Variants in TAFA1 observed in about 807,000 individuals in gnomAD.
TAFA1 encodes the protein TAFA chemokine like family member 1.
Under a neutral mutation model 18.5 loss-of-function variants are expected in TAFA1, and 4 were observed. That is an observed-to-expected ratio of 0.22 (90% CI 0.11 to 0.49). The LOEUF (loss-of-function observed/expected upper bound fraction) is 0.49. TAFA1 is among the 20% of genes least tolerant of loss of function. The pLI is 0.98. For synonymous variants in TAFA1, 56 were observed against 55.2 expected, an observed-to-expected ratio of 1.01 and a Z score of -0.06; for missense variants, 147 against 169.0, an observed-to-expected ratio of 0.87 and a Z score of 0.72.
At chr3:68,409,456 A>G (rs1210762993) in intron 2 of TAFA1, among the ~76,000 whole-genome samples, 2 of 150,022 alleles carry the variant, frequency 1.3e-5, no homozygotes, top group Non-Finnish European at 2.9e-5. Flanking sequence ...ATAAAATCTG[A>G]TGATTTTAAA....
intron 2 of TAFA1, among the ~76,000 whole-genome samples, chr3:68,351,347 A>C (rs1233292191): frequency 6.6e-6 from 1 of 152,076 alleles, no homozygotes; most frequent in African/African-American, 2.4e-5. Context: ...ATGAGCAACC[A>C]AGACGATTGT....
chr3:68,290,467 A>G (rs1472100045), intron 2 of TAFA1, among the ~76,000 whole-genome samples: 1 of 152,116 alleles, frequency 6.6e-6, no homozygotes, highest in Non-Finnish European at 1.5e-5. Context: ...CCCCCATGTC[A>G]TAATAATTGA....
intron 2 of TAFA1, among the ~76,000 whole-genome samples, chr3:68,256,947 A>G (rs1301056896): frequency 6.6e-6 from 1 of 151,938 alleles, no homozygotes; most frequent in Non-Finnish European, 1.5e-5. Flanking sequence ...ATGATTCTCT[A>G]CTGGTTCATG....
At chr3:68,523,222 T>C (rs572523667) in intron 3 of TAFA1, among the ~76,000 whole-genome samples, 1 of 152,348 alleles carries the variant, frequency 6.6e-6, no homozygotes, top group African/African-American at 2.4e-5. Flanking sequence ...AAAACACTGC[T>C]CAGTTGTTTT....
intron 2 of TAFA1, among the ~76,000 whole-genome samples, chr3:68,238,768 C>T (rs775001823): frequency 3.9e-5 from 6 of 152,104 alleles, no homozygotes; most frequent in Non-Finnish European, 8.8e-5. Flanking sequence ...GCCTAGTTCT[C>T]TTCTCTCCAT....
intron 4 of TAFA1, among the ~76,000 whole-genome samples, chr3:68,543,131 G>C (rs2073404427): frequency 6.6e-6 from 1 of 152,088 alleles, no homozygotes; most frequent in Non-Finnish European, 1.5e-5. Context: ...ATGAGAGGCA[G>C]GTTTGCCTGA....
chr3:68,245,950 AC>A (rs1173452377), intron 2 of TAFA1, among the ~76,000 whole-genome samples: 2 of 152,202 alleles, frequency 1.3e-5, no homozygotes, highest in African/African-American at 2.4e-5. Flanking sequence ...GGTATAAGAC[AC>A]AGGCATAGGT....
At chr3:68,131,990 A>G (rs1375172881) in intron 2 of TAFA1, among the ~76,000 whole-genome samples, 1 of 152,036 alleles carries the variant, frequency 6.6e-6, no homozygotes, top group African/African-American at 2.4e-5. Flanking sequence ...TCAACCCGTC[A>G]TCTACATTAG....
At chr3:68,083,183 A>G (rs1291306254) in intron 2 of TAFA1, among the ~76,000 whole-genome samples, 3 of 152,208 alleles carry the variant, frequency 2.0e-5, no homozygotes, top group Non-Finnish European at 4.4e-5. Context: ...AGCTTCTAAA[A>G]TCAGAGAAGG....
chr3:68,067,499 G>T (rs2106740185), intron 2 of TAFA1, among the ~76,000 whole-genome samples: 1 of 152,226 alleles, frequency 6.6e-6, no homozygotes, highest in Non-Finnish European at 1.5e-5. Flanking sequence ...TGTTTATTTA[G>T]TACATGGCTT....
chr3:68,017,964 G>C (rs1219502906), intron 2 of TAFA1, among the ~76,000 whole-genome samples: 1 of 91,574 alleles, frequency 1.1e-5, no homozygotes, highest in East Asian at 4.0e-4. Context: ...TGGGTAGGAA[G>C]TCAGCTAGAA....
At chr3:68,454,631 G>C (rs976320543) in intron 3 of TAFA1, among the ~76,000 whole-genome samples, 1 of 152,132 alleles carries the variant, frequency 6.6e-6, no homozygotes, top group African/African-American at 2.4e-5. Flanking sequence ...TTAGTGACAA[G>C]TTTTTGTTAC....
chr3:68,294,196 G>A (rs746169406), intron 2 of TAFA1, among the ~76,000 whole-genome samples: 54 of 152,196 alleles, frequency 3.5e-4, no homozygotes, highest in Non-Finnish European at 6.8e-4. Flanking sequence ...TCAAGGAATC[G>A]AAAGGACAGT....
intron 2 of TAFA1, among the ~76,000 whole-genome samples, chr3:68,116,746 T>C (rs993121162): frequency 2.6e-5 from 4 of 152,224 alleles, no homozygotes; most frequent in Admixed American, 6.5e-5. Context: ...CCTCTGGACC[T>C]AGTTCACCCT....
At chr3:68,365,084 A>G (rs893029842) in intron 2 of TAFA1, among the ~76,000 whole-genome samples, 18 of 152,182 alleles carry the variant, frequency 1.2e-4, no homozygotes, top group African/African-American at 4.3e-4. Flanking sequence ...TTATATTAAT[A>G]GTAGTTGTGT....
intron 3 of TAFA1, among the ~76,000 whole-genome samples, chr3:68,486,779 T>C (rs974556352): frequency 1.3e-5 from 2 of 152,240 alleles, no homozygotes; most frequent in Non-Finnish European, 2.9e-5. Context: ...GATGTCTTGA[T>C]ATCTGGGCAC....
intron 3 of TAFA1, among the ~76,000 whole-genome samples, chr3:68,533,259 A>G (rs1207600928): frequency 6.6e-6 from 1 of 152,134 alleles, no homozygotes; most frequent in Non-Finnish European, 1.5e-5. Context: ...CCTCACAATC[A>G]TGGCAGAAGG....
chr3:68,191,641 A>G (rs2066341227), intron 2 of TAFA1, among the ~76,000 whole-genome samples: 1 of 151,836 alleles, frequency 6.6e-6, no homozygotes. Context: ...GTTGCCACAA[A>G]CTTTTTATCA....
At chr3:68,026,294 A>G (rs1200688352) in intron 2 of TAFA1, among the ~76,000 whole-genome samples, 1 of 151,956 alleles carries the variant, frequency 6.6e-6, no homozygotes, top group Non-Finnish European at 1.5e-5. Flanking sequence ...CGGGGGAATG[A>G]GAGATCTTTT....
Sources: gnomAD v4.1 joint callset for allele counts (sites outside exome capture counted in the v4.1 genomes callset) on GRCh38, gnomAD v4.1.1 for gene constraint, MANE v1.5 for transcripts, NCBI Gene and HGNC (gene_info 2026-07-23, HGNC 2026-07-21) for gene names.